The following JMJD1C variants were observed in gnomAD, a reference collection of about 807,000 sequenced individuals.
JMJD1C encodes jumonji domain-containing protein 1C.
Under a neutral mutation model 245.3 loss-of-function variants are expected in JMJD1C, and 31 were observed. That is an observed-to-expected ratio of 0.13 (90% confidence interval 0.09 to 0.17). The LOEUF is 0.17. Among genes scored for constraint, JMJD1C ranks in the 10% least tolerant of loss-of-function variants. The pLI is 1.00. For synonymous variants in JMJD1C, 1,057 were observed against 1,017.4 expected (o/e 1.04, Z -0.74); for missense variants, 2,691 against 3,000.2 (o/e 0.90, Z 2.41).
rs7087346 is a variant in JMJD1C at position 63,423,242 on chromosome 10, G to T, written c.168+42253C>A. 7.3e-3 allele frequency among the ~76,000 whole-genome samples: 1,115 copies of T among 152,264 alleles called. 19 individuals are homozygous for T. The highest frequency in any genetic ancestry group is 0.025 in the African/African-American group (1,042 of 41,554). On this transcript the variant is annotated intron_variant, in intron 1 of 25. Transcript: ENST00000399262. Reference sequence around the variant, plus strand: ...AGCCTTCCAAACTGCTGGGATTACAGGCGTGAGGCACCGCACCTGGCCCAA... The same window carrying T: ...AGCCTTCCAAACTGCTGGGATTACATGCGTGAGGCACCGCACCTGGCCCAA...
At chr10:63,221,666 C>T (rs1283128652) in intron 3 of JMJD1C, among the ~76,000 whole-genome samples, 3 of 152,170 alleles carry the variant, frequency 2.0e-5, no homozygotes, top group Admixed American at 6.5e-5. Context: ...GACTCTAACC[C>T]CCTTAATGCA....
At chr10:63,376,366 CA>C (rs1946743093) in intron 2 of JMJD1C, among the ~76,000 whole-genome samples, 1 of 151,894 alleles carries the variant, frequency 6.6e-6, no homozygotes, top group Non-Finnish European at 1.5e-5. Flanking sequence ...ATGGATTTGG[CA>C]ATTTTTTTTT....
At chr10:63,203,101 A>G (rs1207531512) in intron 10 of JMJD1C, 27 of 985,246 alleles carry the variant, frequency 2.7e-5, no homozygotes, top group Non-Finnish European at 3.3e-5. Context: ...AAAAGAATAA[A>G]TGAGTACAAA....
At chr10:63,395,503 A>T (rs1397068291) in intron 1 of JMJD1C, among the ~76,000 whole-genome samples, 2 of 152,146 alleles carry the variant, frequency 1.3e-5, no homozygotes. Flanking sequence ...TAAAATTTTT[A>T]AAACTGCCCA....
At chr10:63,366,034 C>T (rs1945809322) in intron 2 of JMJD1C, among the ~76,000 whole-genome samples, 2 of 152,136 alleles carry the variant, frequency 1.3e-5, no homozygotes, top group African/African-American at 4.8e-5. Context: ...GAAAATGCTA[C>T]CAAAGGAACA....
chr10:63,340,237 G>GA (rs1375465789), intron 2 of JMJD1C, among the ~76,000 whole-genome samples: 3 of 151,920 alleles, frequency 2.0e-5, no homozygotes, highest in Admixed American at 6.6e-5. Context: ...AACCCTGAGG[G>GA]AAAAAAAGAC....
At chr10:63,173,856 GA>G (rs1196636070) in intron 24 of JMJD1C, among the ~76,000 whole-genome samples, 2 of 152,006 alleles carry the variant, frequency 1.3e-5, no homozygotes, top group Admixed American at 6.5e-5. Flanking sequence ...AACTCAGTAA[GA>G]AAAAAAGCAG....
chr10:63,375,976 T>A (rs1352500122), intron 2 of JMJD1C, among the ~76,000 whole-genome samples: 2 of 152,088 alleles, frequency 1.3e-5, no homozygotes, highest in Non-Finnish European at 2.9e-5. Context: ...GGACCCTGAA[T>A]AACCAAAACT....
At chr10:63,260,250 G>A (rs934175812) in intron 3 of JMJD1C, among the ~76,000 whole-genome samples, 1 of 152,154 alleles carries the variant, frequency 6.6e-6, no homozygotes, top group Non-Finnish European at 1.5e-5. Flanking sequence ...AAGCAAAGAG[G>A]AATGTGATGC....
Position 63,184,604 on chromosome 10 carries a change from C to G in JMJD1C, c.6961+4G>C. 2 of 1,586,624 alleles carry G rather than the reference C, an allele frequency of 1.3e-6. No individual in the cohort carries two copies. Among genetic ancestry groups the G allele is most frequent in the Non-Finnish European group, 1.7e-6 (2 of 1,172,394 alleles). On this transcript the variant is annotated splice_donor_region_variant and intron_variant, in intron 21 of 25. Coordinates refer to ENST00000399262, the MANE Select transcript of JMJD1C (RefSeq NM_032776.3). ...ACATGGGAGAAATGTGAATATATAC[C>G]TACCATAGGCACTGCACAACCTGGG...
At chr10:63,228,881 C>T (rs912589330) in intron 3 of JMJD1C, among the ~76,000 whole-genome samples, 1 of 152,022 alleles carries the variant, frequency 6.6e-6, no homozygotes, top group African/African-American at 2.4e-5. Context: ...GCTTAGCCTT[C>T]CAAATATAAC....
intron 19 of JMJD1C, 74 bp downstream of exon 19, chr10:63,186,141 T>A (rs902474712): frequency 5.9e-6 from 7 of 1,178,652 alleles, no homozygotes; most frequent in Admixed American, 2.2e-5. Context: ...ACTAAAAATC[T>A]GTTAAGTTAC....
intron 2 of JMJD1C, among the ~76,000 whole-genome samples, chr10:63,373,277 T>C (rs931640921): frequency 6.6e-6 from 1 of 152,306 alleles, no homozygotes; most frequent in African/African-American, 2.4e-5. Flanking sequence ...ATCTTACATG[T>C]GGTGCTCCCA....
chr10:63,454,152 A>G (rs1203912950), intron 1 of JMJD1C, among the ~76,000 whole-genome samples: 3 of 152,176 alleles, frequency 2.0e-5, no homozygotes, highest in African/African-American at 7.2e-5. Flanking sequence ...CACTTTTTGC[A>G]ATGATGGAAA....
At chr10:63,176,756 A>G (rs534025480) in intron 23 of JMJD1C, 28 of 277,480 alleles carry the variant, frequency 1.0e-4, no homozygotes, top group Non-Finnish European at 1.5e-4. Flanking sequence ...TTCCTTCCTT[A>G]TAACTGTTTC....
chr10:63,221,742 A>G (rs898795689), intron 3 of JMJD1C, among the ~76,000 whole-genome samples: 1 of 152,288 alleles, frequency 6.6e-6, no homozygotes, highest in South Asian at 2.1e-4. Context: ...GTTTTTTGAG[A>G]CGGAGTTTTG....
In JMJD1C at chr10:63,193,437, T is replaced by C; in HGVS notation, c.5770A>G (p.Arg1924Gly). Reference sequence around the variant, plus strand: ...TGGGATTTAATACCATATTTTTCCCTAAGAGTGTGCATGGCATCTAGAAGA... The same window carrying C: ...TGGGATTTAATACCATATTTTTCCCCAAGAGTGTGCATGGCATCTAGAAGA... ...TDLLDAMHTL[R>G]EKYGIKSHCH... The change falls in exon 15 of 26, where the codon AGG becomes GGG. Residue 1924 changes from arginine to glycine, a missense_variant. This residue lies in a region of JMJD1C where 275 missense variants were observed against 285.5 expected (regional missense o/e 0.96). Transcript: ENST00000399262. The C allele has an allele frequency of 6.3e-7, 1 of 1,598,916 alleles. No homozygotes were observed.
chr10:63,247,186 T>TA (rs1013464812), intron 3 of JMJD1C, among the ~76,000 whole-genome samples: 18 of 147,522 alleles, frequency 1.2e-4, no homozygotes, highest in South Asian at 6.4e-4. Flanking sequence ...AAAAGATAGA[T>TA]AAAATCAATA....
chr10:63,477,160 C>T (rs1211694121), intron 1 of JMJD1C, among the ~76,000 whole-genome samples: 1 of 152,052 alleles, frequency 6.6e-6, no homozygotes, highest in Non-Finnish European at 1.5e-5. Flanking sequence ...TTCTAATTCT[C>T]TCCAAATTGA....
Sources: allele counts gnomAD v4.1 joint callset (sites outside exome capture counted in the v4.1 genomes callset), GRCh38; gene constraint gnomAD v4.1.1; regional missense constraint gnomAD v4.1.1; transcripts MANE v1.5; gene names NCBI Gene and HGNC (gene_info 2026-07-23, HGNC 2026-07-21).